CNTN5: variants seen among roughly 807,000 people sequenced by gnomAD.
CNTN5 encodes contactin-5.
CNTN5 carries 77 observed loss-of-function variants against 129.1 expected under a neutral mutation model. The observed-to-expected ratio is 0.60, with a 90% CI of 0.50 to 0.72. The LOEUF (loss-of-function observed/expected upper bound fraction) is 0.72, where lower values mean the gene tolerates loss of function less well. Among genes scored for constraint, CNTN5 ranks in the 30% least tolerant of loss-of-function variants. The pLI, the probability that CNTN5 is intolerant of heterozygous loss-of-function variation, is 0.00. For synonymous variants in CNTN5, 509 were observed against 465.6 expected, an observed-to-expected ratio of 1.09 and a Z score of -1.20; for missense variants, 1,478 against 1,328.8, an observed-to-expected ratio of 1.11 and a Z score of -1.75.
chr11:99,414,477 G>A (rs1942551838), intron 2 of CNTN5, among the ~76,000 whole-genome samples: 1 of 151,616 alleles, frequency 6.6e-6, no homozygotes, highest in Non-Finnish European at 1.5e-5. Flanking sequence ...AATATATATA[G>A]AATATATATG....
intron 13 of CNTN5, among the ~76,000 whole-genome samples, chr11:100,171,592 G>GAA (rs1247599914): frequency 1.3e-5 from 2 of 151,910 alleles, no homozygotes; most frequent in African/African-American, 4.8e-5. Flanking sequence ...TGTTTTTACT[G>GAA]AAAAAGTTAT....
chr11:99,084,078 G>A (rs188162261), intron 1 of CNTN5, among the ~76,000 whole-genome samples: 3 of 152,224 alleles, frequency 2.0e-5, no homozygotes, highest in Admixed American at 1.3e-4. Flanking sequence ...CTGAAGTATT[G>A]CCTTTATCTT....
chr11:99,679,733 T>C (rs1399422324), intron 3 of CNTN5, among the ~76,000 whole-genome samples: 1 of 152,202 alleles, frequency 6.6e-6, no homozygotes, highest in Non-Finnish European at 1.5e-5. Context: ...GTTACACTTC[T>C]CTCACATTAA....
rs765293374 is a variant in CNTN5, at chr11:100,350,786, G to A, written c.3115G>A (p.Gly1039Arg). 2 of 1,608,982 alleles carry A rather than the reference G, an allele frequency of 1.2e-6. No individual in the cohort carries two copies. Among genetic ancestry groups the A allele is most frequent in the East Asian group, 2.2e-5 (1 of 44,776 alleles). ...LQAVVPLPDA[G>R]VYIIEVRAYS... Reference sequence around the variant, plus strand: ...AGCAGTAGTACCACTCCCAGATGCTGGAGTCTATATTATTGAAGTTCGAGC... The same window carrying A: ...AGCAGTAGTACCACTCCCAGATGCTAGAGTCTATATTATTGAAGTTCGAGC... Residue 1039 changes from glycine (G) to arginine (R), a missense_variant, in exon 24 of 25, where the codon GGA becomes AGA. Gly to Arg is a moderately radical substitution (Grantham distance 125, BLOSUM62 -2). Coordinates refer to ENST00000524871, the MANE Select transcript of CNTN5 (RefSeq NM_014361.4).
chr11:99,916,092 T>C lies in CNTN5; in HGVS notation c.616T>C (p.Ser206Pro). 1 of 1,612,536 alleles carries C rather than the reference T, an allele frequency of 6.2e-7. No homozygotes were observed. Among genetic ancestry groups the C allele is most frequent in the Admixed American group, 1.7e-5 (1 of 59,768 alleles). ...NFSGRTRSAV[S>P]VREGQGVVLM... ...TAGTGGCCGGACAAGAAGTGCAGTC[T>C]CTGTGAGGGAAGGCCAGGGTGTCGT... The change falls in exon 7 of 25, where the codon TCT becomes CCT. Residue 206 changes from serine to proline, a missense_variant. By Grantham distance (74) the Ser-to-Pro change is moderately conservative. Coordinates refer to ENST00000524871, the MANE Select transcript of CNTN5 (RefSeq NM_014361.4).
At chr11:100,081,820 T>G (rs1380526032) in intron 13 of CNTN5, among the ~76,000 whole-genome samples, 2 of 152,180 alleles carry the variant, frequency 1.3e-5, no homozygotes, top group Non-Finnish European at 2.9e-5. Context: ...TCAGTCCAGT[T>G]GAGCTTCATT....
intron 1 of CNTN5, among the ~76,000 whole-genome samples, chr11:99,092,462 T>C (rs1866291886): frequency 6.6e-6 from 1 of 152,050 alleles, no homozygotes; most frequent in African/African-American, 2.4e-5. Context: ...ACATTATTTT[T>C]GCATTAAAAA....
chr11:99,888,670 A>G (rs191155886), intron 6 of CNTN5, among the ~76,000 whole-genome samples: 67 of 152,326 alleles, frequency 4.4e-4, no homozygotes, highest in African/African-American at 1.5e-3. Context: ...GCTGTCAGCA[A>G]TGGGCAACAT....
intron 3 of CNTN5, among the ~76,000 whole-genome samples, chr11:99,735,153 C>A (rs1301722424): frequency 6.6e-6 from 1 of 152,146 alleles, no homozygotes; most frequent in Non-Finnish European, 1.5e-5. Flanking sequence ...AAGATCCTGT[C>A]CTTATGGAGC....
chr11:99,055,690 A>G lies in CNTN5; in HGVS notation c.-210+34420A>G, dbSNP rs58415638. ...ATCCCAGCTCTTACCAATCATATTC[A>G]TAATCATTTTATAAAAAAAGTACAC... On this transcript the variant is annotated intron_variant, in intron 1 of 24. Transcript: ENST00000524871. 1.3e-3 allele frequency among the ~76,000 whole-genome samples: 202 copies of G among 152,098 alleles called. 1 individual carries two copies. The highest frequency in any genetic ancestry group is 4.5e-3 in the African/African-American group (185 of 41,516).
At chr11:99,855,323 C>G (rs887946919) in intron 6 of CNTN5, among the ~76,000 whole-genome samples, 1 of 151,998 alleles carries the variant, frequency 6.6e-6, no homozygotes, top group Non-Finnish European at 1.5e-5. Context: ...AGCAAACAAA[C>G]AACAACAACA....
At chr11:100,300,981 C>G (rs1312401625) in intron 20 of CNTN5, among the ~76,000 whole-genome samples, 1 of 151,540 alleles carries the variant, frequency 6.6e-6, no homozygotes, top group Non-Finnish European at 1.5e-5. Flanking sequence ...CAGTAAGTGA[C>G]AGTTACAAGA....
intron 17 of CNTN5, among the ~76,000 whole-genome samples, chr11:100,256,908 G>T (rs1476095596): frequency 6.6e-6 from 1 of 152,046 alleles, no homozygotes; most frequent in Non-Finnish European, 1.5e-5. Context: ...CTGCAGGAGT[G>T]TTTTTTCATA....
chr11:99,927,697 G>A (rs966993867), intron 7 of CNTN5, among the ~76,000 whole-genome samples: 7 of 152,016 alleles, frequency 4.6e-5, no homozygotes, highest in Non-Finnish European at 1.5e-5. Flanking sequence ...CTCTCACCAG[G>A]TCCCTCCCAC....
chr11:99,905,819 G>A (rs1949488201), intron 6 of CNTN5, among the ~76,000 whole-genome samples: 1 of 152,120 alleles, frequency 6.6e-6, no homozygotes, highest in African/African-American at 2.4e-5. Context: ...ATTTCCTTGA[G>A]CAGTAGTTTG....
At chr11:99,251,472 A>G (rs900410337) in intron 1 of CNTN5, among the ~76,000 whole-genome samples, 5 of 151,828 alleles carry the variant, frequency 3.3e-5, no homozygotes, top group Non-Finnish European at 5.9e-5. Context: ...AGTATCTTCC[A>G]TATCTTTTTT....
chr11:99,662,556 A>G (rs1381835316), intron 3 of CNTN5, among the ~76,000 whole-genome samples: 5 of 152,230 alleles, frequency 3.3e-5, no homozygotes, highest in African/African-American at 7.2e-5. Flanking sequence ...TGTTATAATA[A>G]ACACGTATTT....
At chr11:99,390,444 G>T (rs1941201693) in intron 2 of CNTN5, among the ~76,000 whole-genome samples, 2 of 152,204 alleles carry the variant, frequency 1.3e-5, no homozygotes, top group South Asian at 4.2e-4. Flanking sequence ...AAAAAAGAAA[G>T]ATTTTAAAAC....
At chr11:99,619,221 T>C (rs668728) in intron 3 of CNTN5, among the ~76,000 whole-genome samples, 68,836 of 151,834 alleles carry the variant, frequency 0.45, 15,962 homozygotes, top group Admixed American at 0.59. Context: ...ATTTTAACAA[T>C]GTTATTTATA....
Sources: allele counts gnomAD v4.1 joint callset (sites outside exome capture counted in the v4.1 genomes callset), GRCh38; gene constraint gnomAD v4.1.1; transcripts MANE v1.5; gene names NCBI Gene and HGNC (gene_info 2026-07-23, HGNC 2026-07-21).